CADM2: variants seen among roughly 807,000 people sequenced by gnomAD.
The protein encoded by CADM2 is cell adhesion molecule 2.
Under a neutral mutation model 49.8 loss-of-function variants are expected in CADM2, and 12 were observed. The observed-to-expected ratio is 0.24, with a 90% CI of 0.15 to 0.39. The LOEUF (loss-of-function observed/expected upper bound fraction) is 0.39, where lower values mean the gene tolerates loss of function less well. CADM2 is among the 10% of genes least tolerant of loss of function. The pLI is 1.00. For missense variants in CADM2, 378 were observed against 492.3 expected (o/e 0.77, Z 2.20); for synonymous variants, 214 against 175.4 (o/e 1.22, Z -1.74).
At chr3:85,254,423 A>G (rs2042839765) in intron 1 of CADM2, among the ~76,000 whole-genome samples, 1 of 151,996 alleles carries the variant, frequency 6.6e-6, no homozygotes, top group Admixed American at 6.6e-5. Context: ...CTCAACCTGC[A>G]GCCCCTTTCT....
chr3:85,655,532 T>C (rs2065169935), intron 1 of CADM2, among the ~76,000 whole-genome samples: 1 of 152,126 alleles, frequency 6.6e-6, no homozygotes, highest in African/African-American at 2.4e-5. Flanking sequence ...AAGCCATCAT[T>C]GTTAGGTGTT....
chr3:85,555,156 A>G (rs889438996), intron 1 of CADM2, among the ~76,000 whole-genome samples: 3 of 152,178 alleles, frequency 2.0e-5, no homozygotes, highest in Admixed American at 6.5e-5. Flanking sequence ...ATTCCAGTAT[A>G]ATATTTATAC....
chr3:85,477,712 C>T (rs762882129), intron 1 of CADM2, among the ~76,000 whole-genome samples: 39 of 151,808 alleles, frequency 2.6e-4, no homozygotes, highest in Admixed American at 7.9e-4. Context: ...CTTGTTTGCA[C>T]AATCTAGATA....
At chr3:85,874,813 G>A (rs1258769255) in intron 3 of CADM2, among the ~76,000 whole-genome samples, 1 of 152,122 alleles carries the variant, frequency 6.6e-6, no homozygotes, top group African/African-American at 2.4e-5. Context: ...GTAGGGGATG[G>A]AGAGGAAATA....
intron 1 of CADM2, among the ~76,000 whole-genome samples, chr3:85,625,794 A>C (rs2064111072): frequency 6.6e-6 from 1 of 151,966 alleles, no homozygotes; most frequent in South Asian, 2.1e-4. Flanking sequence ...TATCAAAATA[A>C]AGTTTCTCCC....
At chr3:86,060,307 T>A (rs533127449) in intron 8 of CADM2, among the ~76,000 whole-genome samples, 2 of 152,204 alleles carry the variant, frequency 1.3e-5, no homozygotes, top group African/African-American at 4.8e-5. Context: ...CAAAAAAAAT[T>A]AAATACATCA....
intron 1 of CADM2, among the ~76,000 whole-genome samples, chr3:85,223,576 G>T (rs1471046553): frequency 6.6e-6 from 1 of 151,990 alleles, no homozygotes; most frequent in East Asian, 1.9e-4. Flanking sequence ...GGTAAAGGAA[G>T]ACAAATGTTT....
intron 1 of CADM2, among the ~76,000 whole-genome samples, chr3:85,001,817 A>G (rs1576008282): frequency 2.0e-5 from 3 of 152,230 alleles, no homozygotes; most frequent in Admixed American, 2.0e-4. Flanking sequence ...AATTTATTTT[A>G]TGTAAAATTA....
At chr3:85,342,427 T>G (rs1167599357) in intron 1 of CADM2, among the ~76,000 whole-genome samples, 1 of 152,070 alleles carries the variant, frequency 6.6e-6, no homozygotes, top group Non-Finnish European at 1.5e-5. Context: ...TTAAAATGAT[T>G]TATACATAAT....
At chr3:85,955,770 A>G (rs1359996108) in intron 7 of CADM2, among the ~76,000 whole-genome samples, 1 of 151,528 alleles carries the variant, frequency 6.6e-6, no homozygotes, top group African/African-American at 2.4e-5. Flanking sequence ...CATACAGGTA[A>G]TCTCTTATTA....
chr3:85,454,821 A>G (rs989093937), intron 1 of CADM2, among the ~76,000 whole-genome samples: 4 of 148,132 alleles, frequency 2.7e-5, no homozygotes, highest in African/African-American at 9.7e-5. Context: ...GGTGATATTA[A>G]TCAGTAAGCA....
chr3:84,973,288 A>G (rs995062002), intron 1 of CADM2, among the ~76,000 whole-genome samples: 1 of 152,180 alleles, frequency 6.6e-6, no homozygotes, highest in Non-Finnish European at 1.5e-5. Context: ...GAATGCAGAT[A>G]TATCAATGAG....
intron 1 of CADM2, among the ~76,000 whole-genome samples, chr3:85,261,241 T>C (rs1304836681): frequency 6.6e-6 from 1 of 152,140 alleles, no homozygotes; most frequent in East Asian, 1.9e-4. Flanking sequence ...GGTTCAAGGA[T>C]TCTCCTGCCT....
intron 1 of CADM2, among the ~76,000 whole-genome samples, chr3:85,091,157 A>G (rs2037582509): frequency 6.6e-6 from 1 of 152,202 alleles, no homozygotes; most frequent in African/African-American, 2.4e-5. Context: ...GTTGAGAGGT[A>G]GCATTTGTTA....
chr3:85,690,954 C>T (rs1188570881), intron 1 of CADM2, among the ~76,000 whole-genome samples: 1 of 152,070 alleles, frequency 6.6e-6, no homozygotes, highest in Non-Finnish European at 1.5e-5. Context: ...AGCTATTTTG[C>T]CATATGCAAC....
chr3:85,301,776 TTATGA>T (rs1456534905), intron 1 of CADM2, among the ~76,000 whole-genome samples: 2 of 152,052 alleles, frequency 1.3e-5, no homozygotes, highest in Non-Finnish European at 2.9e-5. Context: ...GAAAAATGTC[TTATGA>T]TATATTTATC....
At chr3:85,489,484 C>A (rs1016659721) in intron 1 of CADM2, among the ~76,000 whole-genome samples, 1 of 151,912 alleles carries the variant, frequency 6.6e-6, no homozygotes, top group Non-Finnish European at 1.5e-5. Context: ...AATAAACTAA[C>A]CCTTACTTTT....
chr3:85,795,147 ATAT>A (rs1489530033), intron 2 of CADM2, among the ~76,000 whole-genome samples: 1 of 152,062 alleles, frequency 6.6e-6, no homozygotes, highest in East Asian at 1.9e-4. Context: ...AATACACAAC[ATAT>A]TATTATTAAT....
chr3:85,479,299 T>C (rs936769688), intron 1 of CADM2, among the ~76,000 whole-genome samples: 4 of 151,866 alleles, frequency 2.6e-5, no homozygotes, highest in African/African-American at 9.7e-5. Flanking sequence ...AACTCCCATT[T>C]AGTGGACCAA....
Sources: gnomAD v4.1 joint callset for allele counts (sites outside exome capture counted in the v4.1 genomes callset) on GRCh38, gnomAD v4.1.1 for gene constraint, MANE v1.5 for transcripts, NCBI Gene and HGNC (gene_info 2026-07-23, HGNC 2026-07-21) for gene names.